Variants in LRP1B observed in about 807,000 individuals in gnomAD.
LRP1B encodes the protein low-density lipoprotein receptor-related protein 1B.
Under a neutral mutation model 556.6 loss-of-function variants are expected in LRP1B, and 217 were observed. The ratio of observed to expected loss-of-function variants is 0.39; its 90% CI spans 0.35 to 0.44. LRP1B has a LOEUF of 0.44. Among genes scored for constraint, LRP1B ranks in the 20% least tolerant of loss-of-function variants. LRP1B has a pLI of 1.00. For synonymous variants in LRP1B, 2,047 were observed against 1,865.8 expected, an observed-to-expected ratio of 1.10 and a Z score of -2.50; for missense variants, 5,053 against 5,620.8, an observed-to-expected ratio of 0.90 and a Z score of 3.23.
At chr2:141,979,066 A>C (rs1018421567) in intron 1 of LRP1B, among the ~76,000 whole-genome samples, 5 of 152,048 alleles carry the variant, frequency 3.3e-5, no homozygotes, top group African/African-American at 1.2e-4. Context: ...AGAGTCATAT[A>C]AAGTTATAAA....
chr2:141,389,338 G>C (rs1408419383), intron 3 of LRP1B, among the ~76,000 whole-genome samples: 1 of 152,040 alleles, frequency 6.6e-6, no homozygotes, highest in East Asian at 1.9e-4. Flanking sequence ...ACTTGATTTT[G>C]GACAAAAGGT....
chr2:140,660,000 T>C (rs1559038291), intron 41 of LRP1B, among the ~76,000 whole-genome samples: 1 of 152,088 alleles, frequency 6.6e-6, no homozygotes, highest in Non-Finnish European at 1.5e-5. Flanking sequence ...GAGAAAAATG[T>C]ATATTCTATC....
At position 140,350,873 on chromosome 2, in the gene LRP1B, G is replaced by A. The variant is rs139778530; in HGVS notation, c.11816C>T (p.Thr3939Ile). 1.2e-6 allele frequency: 2 copies of A among 1,609,484 alleles called. No homozygotes were observed. The highest frequency in any genetic ancestry group is 1.7e-6 in the Non-Finnish European group (2 of 1,176,730). ...GAAAATTCCGCCTGGATTAAACTGA[G>A]TACTCCAAATAATCATATCTCTTTG... The part of the protein sequence containing the change: ...YYQRDMIIWS[T>I]QFNPGGIFYK... The change falls in exon 77 of 91, where the codon ACT becomes ATT. Residue 3939 changes from threonine to isoleucine, a missense_variant. By Grantham distance (89) the Thr-to-Ile change is moderately conservative. Transcript: ENST00000389484.
chr2:140,986,240 G>A (rs12989088), intron 17 of LRP1B, among the ~76,000 whole-genome samples: 50,032 of 151,648 alleles, frequency 0.33, 8,798 homozygotes, highest in East Asian at 0.58. Context: ...AATAGAACAC[G>A]ATATATCTAT....
At chr2:140,340,890 C>T (rs1166659685) in intron 77 of LRP1B, among the ~76,000 whole-genome samples, 1 of 151,442 alleles carries the variant, frequency 6.6e-6, no homozygotes, top group Non-Finnish European at 1.5e-5. Context: ...TAACCTATTT[C>T]AATCATCTTA....
rs577080644 is a variant in LRP1B, at chr2:141,032,440, C to G, written c.1790-12338G>C. Among the ~76,000 whole-genome samples, 64 of 152,158 alleles carry G rather than the reference C, an allele frequency of 4.2e-4. No individual in the cohort carries two copies. In the South Asian group the frequency reaches 0.012, roughly 30 times the overall value. On this transcript the variant is annotated intron_variant, in intron 11 of 90. Transcript: ENST00000389484. ...AAATAATTCTTCAATACCAATATAA[C>G]AACTTACATTCTCCCCAGTAGTGTG... is the stretch of plus-strand genomic sequence containing the variant.
chr2:141,185,786 A>G (rs1280103887), intron 7 of LRP1B, among the ~76,000 whole-genome samples: 1 of 151,818 alleles, frequency 6.6e-6, no homozygotes, highest in African/African-American at 2.4e-5. Context: ...GAAGTTACAA[A>G]TATGCTTAAG....
chr2:141,575,720 G>A (rs1415536191), intron 2 of LRP1B, among the ~76,000 whole-genome samples: 2 of 145,092 alleles, frequency 1.4e-5, no homozygotes, highest in East Asian at 4.7e-4. Flanking sequence ...CTAATATCCT[G>A]AATTTATAAT....
At chr2:140,821,555 CTG>C (rs959278362) in intron 31 of LRP1B, among the ~76,000 whole-genome samples, 3 of 152,028 alleles carry the variant, frequency 2.0e-5, no homozygotes, top group African/African-American at 7.2e-5. Flanking sequence ...CTTCTAAAAA[CTG>C]AGGTTCCTTA....
At chr2:141,546,532 C>T (rs761413452) in intron 2 of LRP1B, among the ~76,000 whole-genome samples, 9 of 152,220 alleles carry the variant, frequency 5.9e-5, no homozygotes, top group Non-Finnish European at 2.9e-5. Flanking sequence ...GATCTTTTGT[C>T]GGCTACTCTT....
chr2:141,519,360 GATATATAT>G lies in LRP1B; in HGVS notation c.206-38835_206-38828del, dbSNP rs60473210. Among the ~76,000 whole-genome samples the G allele has an allele frequency of 3.7e-3, 256 of 68,300 alleles. 3 individuals carry two copies. The highest frequency in any genetic ancestry group is 6.3e-3 in the African/African-American group (112 of 17,676). 44.8% of individuals were successfully genotyped at this position (68,300 alleles called of 152,430 possible). A position where few individuals can be genotyped will look rare whatever the true frequency, so the allele number is the denominator to read the frequency against. ...CACCATGTGTGGGGCTTAAGTCAATGATATATATATATATATATATATATATATATATA... is the reference window on the plus strand; with the variant it reads ...CACCATGTGTGGGGCTTAAGTCAATGATATATATATATATATATATATATA... On this transcript the variant is annotated intron_variant, in intron 2 of 90. Transcript: ENST00000389484.
chr2:141,510,897 CACACACACA>C (rs1175924131), intron 2 of LRP1B, among the ~76,000 whole-genome samples: 2 of 59,548 alleles, frequency 3.4e-5, no homozygotes, highest in Non-Finnish European at 7.0e-5. Flanking sequence ...CACACACACA[CACACACACA>C]CACCCCACAC....
At chr2:140,867,144 A>T (rs1322401624) in intron 27 of LRP1B, among the ~76,000 whole-genome samples, 1 of 152,070 alleles carries the variant, frequency 6.6e-6, no homozygotes, top group Non-Finnish European at 1.5e-5. Context: ...CACAATCACA[A>T]AACCAAGATG....
In LRP1B at chr2:141,229,373, A is replaced by G. The variant is rs1481345410; in HGVS notation, c.660T>C (p.Asn220=). 4.3e-6 allele frequency: 7 copies of G among 1,610,294 alleles called. No homozygotes were observed. Among genetic ancestry groups the G allele is most frequent in the Non-Finnish European group, 5.1e-6 (6 of 1,176,916 alleles). Residue 220 remains asparagine, a synonymous_variant, in exon 6 of 91, where the codon AAT becomes AAC. Transcript: ENST00000389484. ...AGCTTAGAGTTGCCATTTTACTTCCATTAAGATAGAAAACCTCAATTGTTT... is the reference window on the plus strand; with the variant it reads ...AGCTTAGAGTTGCCATTTTACTTCCGTTAAGATAGAAAACCTCAATTGTTT... ...NFETIEVFYL[N]GSKMATLSSV... is the part of the protein sequence containing the mutation.
intron 1 of LRP1B, among the ~76,000 whole-genome samples, chr2:141,883,843 AAACAAC>A (rs897519841): frequency 6.6e-6 from 1 of 152,132 alleles, no homozygotes; most frequent in East Asian, 1.9e-4. Context: ...GTTTAAAAGA[AAACAAC>A]AACAACAACA....
At chr2:140,362,073 C>T (rs1682540673) in intron 72 of LRP1B, among the ~76,000 whole-genome samples, 1 of 151,628 alleles carries the variant, frequency 6.6e-6, no homozygotes, top group Non-Finnish European at 1.5e-5. Flanking sequence ...CCTTTTATAT[C>T]ATCTTCAAAT....
chr2:141,963,058 G>A (rs1001460449), intron 1 of LRP1B, among the ~76,000 whole-genome samples: 6 of 151,698 alleles, frequency 4.0e-5, no homozygotes, highest in Non-Finnish European at 7.4e-5. Flanking sequence ...GTGACATAGA[G>A]AACACAAGAG....
intron 7 of LRP1B, among the ~76,000 whole-genome samples, chr2:141,157,051 G>T (rs957959312): frequency 6.6e-6 from 1 of 151,900 alleles, no homozygotes; most frequent in African/African-American, 2.4e-5. Context: ...AACTTCATTG[G>T]ATAGGTTATT....
rs147987503 is a variant in LRP1B at position 140,329,164 on chromosome 2, T to C, written c.12224-3286A>G. On this transcript the variant is annotated intron_variant, in intron 79 of 90. Transcript: ENST00000389484. ...TGACACACCATTCATTAACCCTACA[T>C]ACTCATGGGTACCTCCCCTGTACCA... Among the ~76,000 whole-genome samples, 318 of 152,170 alleles carry C rather than the reference T, an allele frequency of 2.1e-3. 1 individual carries two copies. Among genetic ancestry groups the C allele is most frequent in the Admixed American group, 4.3e-3 (65 of 15,256 alleles).
Sources: allele counts gnomAD v4.1 joint callset (sites outside exome capture counted in the v4.1 genomes callset), GRCh38; gene constraint gnomAD v4.1.1; transcripts MANE v1.5; gene names NCBI Gene and HGNC (gene_info 2026-07-23, HGNC 2026-07-21).